Variants in ZC3H8 observed in about 807,000 individuals in gnomAD.
ZC3H8 encodes the protein zinc finger CCCH domain-containing protein 8.
In ZC3H8, 27 loss-of-function variants were observed where a neutral mutation model predicts 42.5. The observed-to-expected ratio is 0.64, with a 90% CI of 0.47 to 0.88. ZC3H8 has a LOEUF of 0.88. Among genes scored for constraint, ZC3H8 ranks in the 40% least tolerant of loss-of-function variants. The pLI is 0.00. For synonymous variants in ZC3H8, 101 were observed against 110.1 expected (o/e 0.92, Z 0.52); for missense variants, 277 against 336.1 (o/e 0.82, Z 1.37).
At chr2:112,245,803 C>T (rs1359008110) in intron 2 of ZC3H8, among the ~76,000 whole-genome samples, 1 of 152,150 alleles carries the variant, frequency 6.6e-6, no homozygotes, top group Non-Finnish European at 1.5e-5. Flanking sequence ...AAAAAGATGC[C>T]ACTTGGGACT....
At chr2:112,227,462 T>C (rs202023819) in intron 8 of ZC3H8, among the ~76,000 whole-genome samples, 2 of 152,160 alleles carry the variant, frequency 1.3e-5, no homozygotes, top group East Asian at 1.9e-4. Flanking sequence ...AAGGCCGCGG[T>C]TGCAGTGAAC....
chr2:112,238,289 A>T lies in ZC3H8; in HGVS notation c.370+26T>A. On this transcript the variant is annotated intron_variant, in intron 3 of 8. Transcript: ENST00000409573. ...GTGACTGCTTCTCTAGATAAACTTT[A>T]AATGATAAAATAGTTTGACTCTTAC... The T allele has an allele frequency of 2.5e-6, 4 of 1,602,578 alleles. No homozygotes were observed. In the East Asian group the frequency reaches 8.9e-5, roughly 36 times the overall value.
chr2:112,240,177 CA>C (rs2104662435), intron 2 of ZC3H8, among the ~76,000 whole-genome samples: 1 of 152,306 alleles, frequency 6.6e-6, no homozygotes, highest in Admixed American at 6.5e-5. Context: ...ACTGATAGAT[CA>C]GGGGTTGGCA....
intron 8 of ZC3H8, among the ~76,000 whole-genome samples, chr2:112,221,670 A>G (rs1209794199): frequency 1.3e-5 from 2 of 151,942 alleles, no homozygotes; most frequent in Non-Finnish European, 2.9e-5. Flanking sequence ...AAGACTTGAG[A>G]CTGCACTGTG....
In ZC3H8 at chr2:112,213,944, GA is replaced by G. The variant is rs1684232015; in HGVS notation, c.*2539del. 6.8e-6 allele frequency: 1 copy of G among 146,846 alleles called. No individual in the cohort carries two copies. Among genetic ancestry groups the G allele is most frequent in the Non-Finnish European group, 1.5e-5 (1 of 66,928 alleles). 9.1% of individuals were successfully genotyped at this position (146,846 alleles called of 1,614,324 possible). On this transcript the variant is annotated 3_prime_UTR_variant, in exon 9 of 9. Transcript: ENST00000409573. ...ATTTCCATAATGAAGACCCACTTAAGAATTTTTTTTTTTTTTTTTTTGAGAC... is the reference window on the plus strand; with the variant it reads ...ATTTCCATAATGAAGACCCACTTAAGATTTTTTTTTTTTTTTTTTTGAGAC...
At chr2:112,240,980 TGTGTGC>T (rs1353424164) in intron 2 of ZC3H8, among the ~76,000 whole-genome samples, 6 of 138,990 alleles carry the variant, frequency 4.3e-5, no homozygotes, top group African/African-American at 1.6e-4. Context: ...TGTGTGTGTG[TGTGTGC>T]GCGTGTGTAT....
Position 112,230,212 on chromosome 2 carries a change from T to C in ZC3H8, c.*15+691A>G, listed in dbSNP as rs186439707. 7.9e-5 allele frequency among the ~76,000 whole-genome samples: 12 copies of C among 152,314 alleles called. No individual in the cohort carries two copies. The South Asian group carries it at 8.3e-4, about 11-fold the overall frequency. On this transcript the variant is annotated intron_variant, in intron 8 of 8. Coordinates refer to ENST00000409573, the MANE Select transcript of ZC3H8 (RefSeq NM_032494.3). ...CACTAAATTGGTTGAAATTAAAGTATTGACAATATAAAGTACTGGCAAGTG... is the reference window on the plus strand; with the variant it reads ...CACTAAATTGGTTGAAATTAAAGTACTGACAATATAAAGTACTGGCAAGTG...
chr2:112,251,163 T>A (rs1301478326), intron 1 of ZC3H8, among the ~76,000 whole-genome samples: 1 of 152,198 alleles, frequency 6.6e-6, no homozygotes, highest in Non-Finnish European at 1.5e-5. Flanking sequence ...TGAATTAAAA[T>A]ATGAGTTACA....
Position 112,250,255 on chromosome 2 carries a change from T to A in ZC3H8, c.92A>T (p.Asp31Val), listed in dbSNP as rs764355132. The change falls in exon 2 of 9, where the codon GAT becomes GTT. Residue 31 changes from aspartate (D) to valine (V), a missense_variant. Physicochemically the swap from Asp to Val is radical, Grantham distance 152 (BLOSUM62 -3). Transcript: ENST00000409573. ...DSDERIDDEI[D>V]TEVEETQEEK... ...TTCTTGTGTTTCTTCAACTTCTGTA[T>A]CTATTTCATCATCGATTCTGTAGCA... 6.4e-7 allele frequency: 1 copy of A among 1,556,578 alleles called. No homozygotes were observed. Among genetic ancestry groups the A allele is most frequent in the East Asian group, 2.3e-5 (1 of 43,074 alleles).
intron 2 of ZC3H8, among the ~76,000 whole-genome samples, chr2:112,244,403 CA>C (rs1685687617): frequency 6.6e-6 from 1 of 152,086 alleles, no homozygotes; most frequent in African/African-American, 2.4e-5. Flanking sequence ...GAGAAACCAA[CA>C]GCTAGAAAAT....
At chr2:112,254,257 A>C (rs918933174) in intron 1 of ZC3H8, among the ~76,000 whole-genome samples, 4 of 152,198 alleles carry the variant, frequency 2.6e-5, no homozygotes, top group African/African-American at 7.2e-5. Flanking sequence ...TAGCATTTCA[A>C]ATCACTAGAC....
intron 2 of ZC3H8, among the ~76,000 whole-genome samples, chr2:112,242,635 G>A (rs931992734): frequency 3.9e-5 from 6 of 152,062 alleles, no homozygotes; most frequent in Admixed American, 2.6e-4. Context: ...CAAGTCAGAC[G>A]GCAAATCACT....
chr2:112,234,571 C>T (rs930248306), intron 4 of ZC3H8, among the ~76,000 whole-genome samples: 2 of 152,084 alleles, frequency 1.3e-5, no homozygotes, highest in African/African-American at 4.8e-5. Flanking sequence ...GAGGCTGAGG[C>T]GGGTGGACCA....
Position 112,216,157 on chromosome 2 carries a change from T to G in ZC3H8, c.*327A>C, listed in dbSNP as rs888835356. 5 of 152,212 alleles carry G rather than the reference T, an allele frequency of 3.3e-5. No homozygotes were observed. The highest frequency in any genetic ancestry group is 1.2e-4 in the African/African-American group (5 of 41,456). 9.4% of individuals were successfully genotyped at this position (152,212 alleles called of 1,614,324 possible). On this transcript the variant is annotated 3_prime_UTR_variant, in exon 9 of 9. Transcript: ENST00000409573. ...CACTCAGCCTAACCTTGCTTCCGAT[T>G]TTATTAAGGAAATCCAATCAATCAG...
At chr2:112,221,199 G>A (rs1684570248) in intron 8 of ZC3H8, among the ~76,000 whole-genome samples, 1 of 152,148 alleles carries the variant, frequency 6.6e-6, no homozygotes, top group South Asian at 2.1e-4. Flanking sequence ...ATGTTGAATT[G>A]TAATCCCCAG....
chr2:112,246,255 A>G (rs1010492929), intron 2 of ZC3H8, among the ~76,000 whole-genome samples: 3 of 152,250 alleles, frequency 2.0e-5, no homozygotes, highest in African/African-American at 7.2e-5. Context: ...TTTCATGTCC[A>G]CAAACACAAC....
chr2:112,217,002 T>C (rs1460776882), intron 8 of ZC3H8, among the ~76,000 whole-genome samples: 4 of 152,216 alleles, frequency 2.6e-5, no homozygotes, highest in Non-Finnish European at 5.9e-5. Flanking sequence ...AAAAAGATTT[T>C]TGGTTGAGCC....
intron 7 of ZC3H8, among the ~76,000 whole-genome samples, chr2:112,231,202 C>G (rs1468135428): frequency 6.6e-6 from 1 of 152,070 alleles, no homozygotes; most frequent in Non-Finnish European, 1.5e-5. Flanking sequence ...TATTTTACAA[C>G]CTAAAAATAT....
At chr2:112,239,579 CTTTTTT>C (rs200972008) in intron 2 of ZC3H8, among the ~76,000 whole-genome samples, 104 of 86,482 alleles carry the variant, frequency 1.2e-3, no homozygotes, top group African/African-American at 5.2e-3. Context: ...TAACAGTTTA[CTTTTTT>C]TTTTTTTTTT....
Sources: allele counts gnomAD v4.1 joint callset (sites outside exome capture counted in the v4.1 genomes callset), GRCh38; gene constraint gnomAD v4.1.1; transcripts MANE v1.5; gene names NCBI Gene and HGNC (gene_info 2026-07-23, HGNC 2026-07-21).